The following HOXA3 variants were observed in gnomAD, a reference collection of about 807,000 sequenced individuals.
HOXA3 encodes the protein homeobox A3.
HOXA3 carries 8 observed loss-of-function variants against 30.3 expected under a neutral mutation model. The observed-to-expected ratio is 0.26, with a 90% confidence interval of 0.15 to 0.48. The LOEUF (loss-of-function observed/expected upper bound fraction) is 0.48, where lower values mean the gene tolerates loss of function less well. Ranked by LOEUF, HOXA3 falls within the 20% of genes least tolerant of loss-of-function variation. The pLI, the probability that HOXA3 is intolerant of heterozygous loss-of-function variation, is 0.99. For missense variants in HOXA3, 653 were observed against 614.4 expected (o/e 1.06, Z -0.66); for synonymous variants, 323 against 273.1 (o/e 1.18, Z -1.80).
At chr7:27,139,798 C>CT in intron 2 of HOXA3, among the ~76,000 whole-genome samples, 1 of 152,208 alleles carries the variant, frequency 6.6e-6, no homozygotes, top group Non-Finnish European at 1.5e-5. Context: ...CAAAAATCAT[C>CT]TTTTTGCACG....
intron 4 of HOXA3, among the ~76,000 whole-genome samples, chr7:27,111,287 T>G (rs1338476140): frequency 6.6e-6 from 1 of 152,212 alleles, no homozygotes; most frequent in Non-Finnish European, 1.5e-5. Context: ...ACCCAGCTCC[T>G]TCTTGGACCT....
At chr7:27,141,943 G>A in intron 1 of HOXA3, 4 of 1,614,142 alleles carry the variant, frequency 2.5e-6, no homozygotes, top group East Asian at 2.2e-5. Context: ...TTTGTCTCTC[G>A]GAGAGGCAAA....
chr7:27,114,853 TTA>T lies in HOXA3; in HGVS notation c.-120-4095_-120-4094del, dbSNP rs1375932565. Reference sequence around the variant, plus strand: ...ATATATATTATATATATAATATATATTATATATATAATATATATTATATATAT... The same window carrying T: ...ATATATATTATATATATAATATATATTATATATAATATATATTATATATAT... On this transcript the variant is annotated intron_variant, in intron 4 of 5. Transcript: ENST00000612286. 6.0e-4 allele frequency among the ~76,000 whole-genome samples: 63 copies of T among 104,374 alleles called. 1 individual carries two copies. Among genetic ancestry groups the T allele is most frequent in the African/African-American group, 2.0e-3 (60 of 30,496 alleles). The allele number at this position is 104,374 out of a possible 152,430, so 68.5% of individuals were successfully genotyped here. A position where few individuals can be genotyped will look rare whatever the true frequency, so the allele number is the denominator to read the frequency against.
At chr7:27,116,601 C>A (rs1398224302) in intron 4 of HOXA3, 1 of 152,158 alleles carries the variant, frequency 6.6e-6, no homozygotes, top group African/African-American at 2.4e-5. Flanking sequence ...AACCAGAGTC[C>A]ATCCTTAGAT....
In HOXA3 at chr7:27,147,300, T is replaced by C. The variant is rs766010346; in HGVS notation, c.-494+4988A>G. On this transcript the variant is annotated intron_variant, in intron 1 of 5. Transcript: ENST00000612286. ...CCTCTCCCTCCACTGTCTTGGGATA[T>C]GTCTTACCCGCGCAGGAGTTCATCC... 8 of 1,611,634 alleles carry C rather than the reference T, an allele frequency of 5.0e-6. No homozygotes were observed. In the South Asian group the frequency reaches 7.7e-5, roughly 16 times the overall value.
At chr7:27,124,465 C>G (rs984586207) in intron 3 of HOXA3, 1 of 152,230 alleles carries the variant, frequency 6.6e-6, no homozygotes, top group Non-Finnish European at 1.5e-5. Context: ...TCCCTGGACT[C>G]GCAGAAACCC....
At chr7:27,136,481 C>T (rs17500806) in intron 2 of HOXA3, among the ~76,000 whole-genome samples, 1,847 of 152,264 alleles carry the variant, frequency 0.012, 42 homozygotes, top group African/African-American at 0.042. Context: ...GGTGGAGACA[C>T]TTTTTCCCTT....
At chr7:27,139,520 C>A (rs1782447728) in intron 2 of HOXA3, among the ~76,000 whole-genome samples, 1 of 152,250 alleles carries the variant, frequency 6.6e-6, no homozygotes, top group Non-Finnish European at 1.5e-5. Flanking sequence ...TCAATTCAGC[C>A]CTGCCAAATG....
Position 27,108,045 on chromosome 7 carries a change from G to A in HOXA3, c.1202C>T (p.Ala401Val), listed in dbSNP as rs1181118542. The change falls in exon 6 of 6, where the codon GCC (alanine) becomes GTC (valine). Residue 401 changes from alanine to valine, a missense_variant. Ala to Val is a moderately conservative substitution (Grantham distance 64, BLOSUM62 0). Around this residue, in one of 3 missense-constraint regions of HOXA3, gnomAD observed 330 missense variants for 274.4 expected, o/e 1.20. Coordinates refer to ENST00000612286, the MANE Select transcript of HOXA3 (RefSeq NM_153631.3). The surrounding 1 kb of genome is among the most constrained non-coding windows in gnomAD (Gnocchi z 5.0). ...AASGAMDYGG[A>V]GPLGSGHHHG... ...GTGGTGGCCGCTGCCCAGCGGCCCG[G>A]CACCCCCATAGTCCATGGCGCCCGA... The A allele has an allele frequency of 1.9e-6, 3 of 1,613,034 alleles. No homozygotes were observed. Among genetic ancestry groups the A allele is most frequent in the South Asian group, 1.1e-5 (1 of 91,026 alleles).
chr7:27,130,488 G>A, intron 2 of HOXA3: 1 of 1,276,456 alleles, frequency 7.8e-7, no homozygotes, highest in East Asian at 3.4e-5. Context: ...CAGGGTAGGC[G>A]GGCTCGCGGG....
At chr7:27,142,127 T>G in intron 1 of HOXA3, 1 of 1,593,672 alleles carries the variant, frequency 6.3e-7, no homozygotes, top group Non-Finnish European at 8.5e-7. Context: ...AACTCCTGTC[T>G]TCCAAAGTCC....
intron 3 of HOXA3, among the ~76,000 whole-genome samples, chr7:27,124,808 G>C (rs1356886959): frequency 1.3e-5 from 2 of 152,116 alleles, no homozygotes; most frequent in Non-Finnish European, 2.9e-5. Context: ...CGGCCTCCGG[G>C]GCACATTCAT....
intron 1 of HOXA3, chr7:27,150,599 A>ACTAC (rs1295847212): frequency 6.6e-6 from 1 of 152,422 alleles, no homozygotes; most frequent in Non-Finnish European, 1.5e-5. Context: ...AGGCCTCAGG[A>ACTAC]CTACAGGTAG....
At chr7:27,143,548 C>T (rs1439080665) in intron 1 of HOXA3, 4 of 1,611,122 alleles carry the variant, frequency 2.5e-6, no homozygotes, top group South Asian at 1.1e-5. Context: ...AATTATGCAA[C>T]TGGTAGTCCG....
chr7:27,126,708 C>A (rs1233626923), intron 3 of HOXA3, among the ~76,000 whole-genome samples, 178 bp downstream of exon 3: 1 of 152,180 alleles, frequency 6.6e-6, no homozygotes, highest in East Asian at 1.9e-4. Context: ...AAAATGCCAT[C>A]TTGTCCTGGA....
intron 4 of HOXA3, chr7:27,119,406 CTG>C (rs1784898973): frequency 6.6e-6 from 1 of 152,200 alleles, no homozygotes; most frequent in African/African-American, 2.4e-5. Context: ...AGAGAACCAA[CTG>C]TGCTCAGGAA....
At chr7:27,128,339 G>C (rs941935582) in intron 2 of HOXA3, 1 of 152,194 alleles carries the variant, frequency 6.6e-6, no homozygotes, top group African/African-American at 2.4e-5. Context: ...CTTGACAAGA[G>C]TTCAGCTCAA....
chr7:27,138,194 A>T (rs552139491), intron 2 of HOXA3, among the ~76,000 whole-genome samples: 1 of 152,162 alleles, frequency 6.6e-6, no homozygotes, highest in Non-Finnish European at 1.5e-5. Flanking sequence ...TGAAATACCA[A>T]TGTTTACTTT....
intron 3 of HOXA3, among the ~76,000 whole-genome samples, chr7:27,125,071 GGCT>G (rs1160340600): frequency 3.9e-5 from 6 of 152,180 alleles, no homozygotes; most frequent in African/African-American, 1.4e-4. Context: ...CTTCTTCTCT[GGCT>G]GTACACACCT....
Sources: allele counts gnomAD v4.1 joint callset (sites outside exome capture counted in the v4.1 genomes callset), GRCh38; gene constraint gnomAD v4.1.1; regional missense constraint gnomAD v4.1.1; non-coding constraint Gnocchi (gnomAD v3.1); transcripts MANE v1.5; gene names NCBI Gene and HGNC (gene_info 2026-07-23, HGNC 2026-07-21).